Variants in SEM1 observed in about 807,000 individuals in gnomAD.
SEM1 encodes SEM1 26S proteasome subunit.
In SEM1, 3 loss-of-function variants were observed where a neutral mutation model predicts 12.7. That is an observed-to-expected ratio of 0.24 (90% CI 0.11 to 0.61). The LOEUF (loss-of-function observed/expected upper bound fraction) is 0.61, where lower values mean the gene tolerates loss of function less well. Among genes scored for constraint, SEM1 ranks in the 20% least tolerant of loss-of-function variants. The pLI is 0.88. For synonymous variants in SEM1, 30 were observed against 27.8 expected (o/e 1.08, Z -0.25); for missense variants, 59 against 81.3 (o/e 0.73, Z 1.06).
At chr7:96,648,916 G>A (rs778837672) in intron 2 of SEM1, among the ~76,000 whole-genome samples, 2 of 152,156 alleles carry the variant, frequency 1.3e-5, no homozygotes, top group Non-Finnish European at 2.9e-5. Flanking sequence ...GGGCCAAAAC[G>A]GCCCAATGTT....
At chr7:96,646,175 A>C (rs577466619) in intron 2 of SEM1, among the ~76,000 whole-genome samples, 1 of 152,202 alleles carries the variant, frequency 6.6e-6, no homozygotes, top group African/African-American at 2.4e-5. Flanking sequence ...CTTTTTTGTA[A>C]ATAAAGTTTT....
chr7:96,679,302 T>G (rs1164637812), intron 2 of SEM1, among the ~76,000 whole-genome samples: 1 of 152,132 alleles, frequency 6.6e-6, no homozygotes, highest in Non-Finnish European at 1.5e-5. Flanking sequence ...CTTTGAAATA[T>G]CATCATCAAA....
chr7:96,696,417 ATC>A (rs1273176032), intron 1 of SEM1: 1 of 152,030 alleles, frequency 6.6e-6, no homozygotes, highest in Admixed American at 6.6e-5. Flanking sequence ...TTCGTTAATT[ATC>A]TGATAAATCT....
chr7:96,692,744 G>GT (rs1789967114), intron 2 of SEM1, among the ~76,000 whole-genome samples: 1 of 152,044 alleles, frequency 6.6e-6, no homozygotes, highest in Non-Finnish European at 1.5e-5. Flanking sequence ...ACAGATTTTA[G>GT]AGAAAAAGCA....
downstream of SEM1, chr7:96,688,607 C>A: frequency 5.5e-6 from 1 of 182,734 alleles, no homozygotes; most frequent in East Asian, 1.4e-4. Context: ...GAAATCTACT[C>A]CAGATCATTT....
exon 1 of SEM1, chr7:96,496,293 C>T: frequency 6.6e-7 from 1 of 1,520,492 alleles, no homozygotes; most frequent in Non-Finnish European, 8.8e-7. Flanking sequence ...CCTGGCAATA[C>T]ATGTTCTTCC....
chr7:96,688,536 T>A (rs565858026), downstream of SEM1: 207 of 155,666 alleles, frequency 1.3e-3, no homozygotes, highest in Admixed American at 2.4e-3. Context: ...AAATTCCTTA[T>A]AAAATAGAAG....
At chr7:96,627,929 G>A (rs995777502) in intron 2 of SEM1, among the ~76,000 whole-genome samples, 1 of 151,918 alleles carries the variant, frequency 6.6e-6, no homozygotes, top group Non-Finnish European at 1.5e-5. Context: ...AATAATATTT[G>A]CTTTATATCT....
At chr7:96,608,905 A>T (rs1047562756) in intron 2 of SEM1, among the ~76,000 whole-genome samples, 4 of 152,214 alleles carry the variant, frequency 2.6e-5, no homozygotes, top group Non-Finnish European at 5.9e-5. Flanking sequence ...TTTTGTGTGT[A>T]CAAATGTTTT....
chr7:96,545,490 T>G (rs1252141969), intron 2 of SEM1, among the ~76,000 whole-genome samples: 1 of 152,060 alleles, frequency 6.6e-6, no homozygotes, highest in Non-Finnish European at 1.5e-5. Context: ...GGAATTAGTG[T>G]GCTGCCAGCA....
chr7:96,540,337 T>C, intron 2 of SEM1, among the ~76,000 whole-genome samples: 1 of 151,758 alleles, frequency 6.6e-6, no homozygotes, highest in East Asian at 1.9e-4. Context: ...TTTCATATGA[T>C]TTAAATGATT....
At chr7:96,513,719 C>T (rs966736178) in intron 2 of SEM1, among the ~76,000 whole-genome samples, 1 of 152,028 alleles carries the variant, frequency 6.6e-6, no homozygotes. Flanking sequence ...ATCCCAGTTA[C>T]TCGGGAGGCT....
Position 96,585,342 on chromosome 7 carries a change from G to C in SEM1, c.171-78644C>G, listed in dbSNP as rs568490288. On this transcript the variant is annotated intron_variant and NMD_transcript_variant, in intron 2 of 3. Transcript: ENST00000466986. ...CTGCCTGTTCTCAGATCCCAGCTTC[G>C]TGCTGGGAGAACCACTGCTCTCTTT... Among the ~76,000 whole-genome samples the C allele has an allele frequency of 2.6e-5, 4 of 152,294 alleles. No homozygotes were observed. The East Asian group carries it at 7.7e-4, about 29-fold the overall frequency.
chr7:96,566,381 G>A (rs905321641), intron 2 of SEM1, among the ~76,000 whole-genome samples: 1 of 151,420 alleles, frequency 6.6e-6, no homozygotes, highest in Non-Finnish European at 1.5e-5. Flanking sequence ...GGTTGACAAG[G>A]CTGAAAATAT....
intron 2 of SEM1, among the ~76,000 whole-genome samples, chr7:96,511,532 A>G (rs573136058): frequency 1.3e-5 from 2 of 152,236 alleles, no homozygotes; most frequent in South Asian, 4.1e-4. Context: ...AAACACACCT[A>G]TTGGACTGAT....
Position 96,640,955 on chromosome 7 carries a change from GACTC to G in SEM1, c.171-18316_171-18313del, listed in dbSNP as rs1233599151. On this transcript the variant is annotated intron_variant, in intron 2 of 2. Transcript: ENST00000417009. This position sits in a 1 kb window ranked among gnomAD's most constrained non-coding sequence, Gnocchi z 4.0. The stretch of plus-strand genomic sequence containing the variant: ...AATCTCACACTTGAAGGTTTGAGAA[GACTC>G]ACTCAGAACTTCTAAGACCAGCATT... Among the ~76,000 whole-genome samples the G allele has an allele frequency of 2.0e-5, 3 of 151,870 alleles. No individual in the cohort carries two copies. The highest frequency in any genetic ancestry group is 1.5e-5 in the Non-Finnish European group (1 of 67,940).
At chr7:96,669,918 G>A (rs559014168), downstream of SEM1, among the ~76,000 whole-genome samples, 4 of 152,228 alleles carry the variant, frequency 2.6e-5, no homozygotes, top group South Asian at 2.1e-4. Context: ...GCTAAATGCT[G>A]TACAAAATTA....
intron 2 of SEM1, among the ~76,000 whole-genome samples, chr7:96,562,943 T>G (rs1343242331): frequency 6.6e-6 from 1 of 152,218 alleles, no homozygotes; most frequent in Non-Finnish European, 1.5e-5. Flanking sequence ...TTAAGGAGTT[T>G]GAATGCTATC....
chr7:96,664,663 C>T lies in SEM1; in HGVS notation c.170+30135G>A, dbSNP rs73392901. ...TGTTCACAGACTCAGGGGGTTAGGACTTAAATGGTTTTAGAAGGATATTAT... is the reference window on the plus strand; with the variant it reads ...TGTTCACAGACTCAGGGGGTTAGGATTTAAATGGTTTTAGAAGGATATTAT... On this transcript the variant is annotated intron_variant, in intron 2 of 2. Transcript: ENST00000417009. Among the ~76,000 whole-genome samples the T allele has an allele frequency of 2.2e-3, 339 of 152,242 alleles. 3 individuals carry two copies. Among genetic ancestry groups the T allele is most frequent in the African/African-American group, 7.9e-3 (327 of 41,530 alleles).
Sources: gnomAD v4.1 joint callset for allele counts (sites outside exome capture counted in the v4.1 genomes callset) on GRCh38, gnomAD v4.1.1 for gene constraint, Gnocchi (gnomAD v3.1) non-coding constraint, MANE v1.5 for transcripts, NCBI Gene and HGNC (gene_info 2026-07-23, HGNC 2026-07-21) for gene names.